Variants in PKHD1L1 observed in about 807,000 individuals in gnomAD.
PKHD1L1 encodes the protein fibrocystin-L.
Under a neutral mutation model 462.9 loss-of-function variants are expected in PKHD1L1, and 434 were observed. The ratio of observed to expected loss-of-function variants is 0.94; its 90% CI spans 0.87 to 1.02. The LOEUF (loss-of-function observed/expected upper bound fraction) is 1.02, where lower values mean the gene tolerates loss of function less well. Among genes scored for constraint, PKHD1L1 ranks in the 50% least tolerant of loss-of-function variants. The probability of loss-of-function intolerance (pLI) is 0.00; values close to 1 mark genes in which losing one functional copy is unlikely to be tolerated. For missense variants in PKHD1L1, 5,202 were observed against 5,096.1 expected (o/e 1.02, Z -0.63); for synonymous variants, 1,781 against 1,750.0 (o/e 1.02, Z -0.44).
In PKHD1L1 at chr8:109,531,813, C is replaced by G. The variant is rs889414093; in HGVS notation, c.*1723C>G. On this transcript the variant is annotated 3_prime_UTR_variant, in exon 78 of 78. Transcript: ENST00000378402. ...CAGGTAACAGAGCACTTTTATACTC[C>G]CCTCAGTTCCAACCCTGGTGGGGTG... is the stretch of plus-strand genomic sequence containing the variant. Among the ~76,000 whole-genome samples the G allele has an allele frequency of 1.3e-5, 2 of 152,044 alleles. No individual in the cohort carries two copies. Among genetic ancestry groups the G allele is most frequent in the Admixed American group, 6.5e-5 (1 of 15,270 alleles).
At chr8:109,397,441 T>C (rs968730880) in intron 11 of PKHD1L1, among the ~76,000 whole-genome samples, 1 of 151,976 alleles carries the variant, frequency 6.6e-6, no homozygotes, top group African/African-American at 2.4e-5. Context: ...TTTGGGAGGC[T>C]GAGGCAGGAA....
In PKHD1L1 at chr8:109,535,315, T is replaced by G. The variant is rs1434881868; in HGVS notation, c.*5225T>G. ...GTAACTTATGCATTTAGGCAGATGATCCTTTATATATGTAAACGCTATAAA... is the reference window on the plus strand; with the variant it reads ...GTAACTTATGCATTTAGGCAGATGAGCCTTTATATATGTAAACGCTATAAA... On this transcript the variant is annotated 3_prime_UTR_variant, in exon 78 of 78. Transcript: ENST00000378402. Among the ~76,000 whole-genome samples the G allele has an allele frequency of 1.3e-5, 2 of 152,214 alleles. No individual in the cohort carries two copies. The highest frequency in any genetic ancestry group is 4.8e-5 in the African/African-American group (2 of 41,458).
At chr8:109,475,066 T>A in intron 50 of PKHD1L1, 52 bp from the exon 51 acceptor site, 2 of 1,474,400 alleles carry the variant, frequency 1.4e-6, no homozygotes, top group Non-Finnish European at 1.8e-6. Context: ...AAAGGAGGAG[T>A]TTATTAGAGG....
At chr8:109,509,353 G>T (rs1819858442) in intron 70 of PKHD1L1, among the ~76,000 whole-genome samples, 1 of 151,852 alleles carries the variant, frequency 6.6e-6, no homozygotes, top group African/African-American at 2.4e-5. Flanking sequence ...TGGTGAAAAA[G>T]ATTTCATTGT....
chr8:109,438,679 C>T (rs72687010), intron 31 of PKHD1L1, among the ~76,000 whole-genome samples: 29,474 of 151,284 alleles, frequency 0.19, 2,926 homozygotes, highest in South Asian at 0.27. Flanking sequence ...TAAAAAAGGA[C>T]TTTGTCATCT....
chr8:109,523,390 G>A lies in PKHD1L1; in HGVS notation c.12484+4G>A. 6.2e-7 allele frequency: 1 copy of A among 1,606,626 alleles called. No homozygotes were observed. The highest frequency in any genetic ancestry group is 8.5e-7 in the Non-Finnish European group (1 of 1,175,672). On this transcript the variant is annotated splice_donor_region_variant and intron_variant, in intron 76 of 77. Coordinates refer to ENST00000378402, the MANE Select transcript of PKHD1L1 (RefSeq NM_177531.6). ...GACCTTACTCCCCTTAGAACAGGTG[G>A]GTGCACTATTTTGGATCCTCACATA... is the stretch of plus-strand genomic sequence containing the variant.
chr8:109,422,463 C>T (rs1234136683), intron 23 of PKHD1L1, among the ~76,000 whole-genome samples: 1 of 152,168 alleles, frequency 6.6e-6, no homozygotes, highest in Non-Finnish European at 1.5e-5. Context: ...AATCAGATGT[C>T]ATATAATCAC....
intron 38 of PKHD1L1, 88 bp downstream of exon 38, chr8:109,445,733 A>G: frequency 7.6e-7 from 1 of 1,317,606 alleles, no homozygotes; most frequent in Non-Finnish European, 1.0e-6. Context: ...GTAAATAACT[A>G]TTAAGGTGTG....
rs577806655 is a variant in PKHD1L1 at position 109,363,886 on chromosome 8, T to A, written c.74-661T>A. Among the ~76,000 whole-genome samples the A allele has an allele frequency of 2.0e-5, 3 of 152,324 alleles. No homozygotes were observed. In the East Asian group the frequency reaches 5.8e-4, roughly 29 times the overall value. On this transcript the variant is annotated intron_variant, in intron 1 of 77. Coordinates refer to ENST00000378402, the MANE Select transcript of PKHD1L1 (RefSeq NM_177531.6). ...GGCACCCGTGGCCTCTATGCTCTCC[T>A]CTGTCTCTTGGTACTGTCTAACCTA...
At chr8:109,397,499 G>C (rs1337084524) in intron 11 of PKHD1L1, among the ~76,000 whole-genome samples, 1 of 151,526 alleles carries the variant, frequency 6.6e-6, no homozygotes, top group Non-Finnish European at 1.5e-5. Context: ...AATGCAGAGA[G>C]ATCTGTCTCT....
intron 67 of PKHD1L1, among the ~76,000 whole-genome samples, chr8:109,503,132 C>T (rs6995356): frequency 0.39 from 59,323 of 151,818 alleles, 11,785 homozygotes; most frequent in South Asian, 0.57. Context: ...ATGGTGAAAC[C>T]CTATCTCTAC....
At chr8:109,442,346 TTAC>T (rs2130744256) in intron 35 of PKHD1L1, among the ~76,000 whole-genome samples, 151 bp downstream of exon 35, 1 of 152,282 alleles carries the variant, frequency 6.6e-6, no homozygotes, top group East Asian at 1.9e-4. Context: ...AGTAAAAATG[TTAC>T]TAATGAGTGT....
At position 109,400,304 on chromosome 8, in the gene PKHD1L1, A is replaced by T; in HGVS notation, c.1241A>T (p.Tyr414Phe). Residue 414 changes from tyrosine (Y) to phenylalanine (F), a missense_variant, in exon 13 of 78, where the codon TAT (tyrosine) becomes TTT (phenylalanine). Physicochemically the swap from Tyr to Phe is conservative, Grantham distance 22. This residue lies in a region of PKHD1L1 where 4,497 missense variants were observed against 4,336.8 expected (regional missense o/e 1.04). Transcript: ENST00000378402. ...TTCTACATCAAGGGTGATGACCGTT[A>T]TGCTATTTATTTTAGCCAGACTGGA... ...YRFYIKGDDR[Y>F]AIYFSQTGLP... The T allele has an allele frequency of 6.2e-7, 1 of 1,613,474 alleles. No individual in the cohort carries two copies. The highest frequency in any genetic ancestry group is 8.5e-7 in the Non-Finnish European group (1 of 1,179,528).
intron 25 of PKHD1L1, among the ~76,000 whole-genome samples, chr8:109,428,456 G>T (rs1563531092): frequency 6.6e-6 from 1 of 152,156 alleles, no homozygotes; most frequent in South Asian, 2.1e-4. Context: ...AGAGGAAGTG[G>T]AGAAGATAAG....
chr8:109,490,216 T>C (rs989435509), intron 60 of PKHD1L1, among the ~76,000 whole-genome samples, 161 bp downstream of exon 60: 14 of 151,868 alleles, frequency 9.2e-5, no homozygotes, highest in Non-Finnish European at 1.5e-5. Context: ...ATAAGCAGGA[T>C]TTTATTCCAC....
In PKHD1L1 at chr8:109,438,271, C is replaced by T. The variant is rs1185108712; in HGVS notation, c.3628-53C>T. On this transcript the variant is annotated intron_variant, in intron 30 of 77. Coordinates refer to ENST00000378402, the MANE Select transcript of PKHD1L1 (RefSeq NM_177531.6). Reference sequence around the variant, plus strand: ...ATAATCTATTTCTTTTCATCCCTTGCATTTCTGTATCTCAACAATTAATAT... The same window carrying T: ...ATAATCTATTTCTTTTCATCCCTTGTATTTCTGTATCTCAACAATTAATAT... The T allele has an allele frequency of 1.3e-5, 16 of 1,266,282 alleles. No homozygotes were observed. In the South Asian group the frequency reaches 2.3e-4, roughly 18 times the overall value. The allele number at this position is 1,266,282 out of a possible 1,614,324, so 78.4% of individuals were successfully genotyped here.
chr8:109,445,861 A>G (rs1816110024), intron 38 of PKHD1L1, among the ~76,000 whole-genome samples: 2 of 152,188 alleles, frequency 1.3e-5, no homozygotes, highest in African/African-American at 4.8e-5. Context: ...TTCAACTTCT[A>G]TTTAGGAACA....
intron 43 of PKHD1L1, among the ~76,000 whole-genome samples, chr8:109,453,127 A>G (rs1459643298): frequency 1.3e-5 from 2 of 152,196 alleles, no homozygotes. Context: ...ATGGGTAAGT[A>G]CCTTTTAAAG....
intron 34 of PKHD1L1, among the ~76,000 whole-genome samples, chr8:109,441,640 T>C (rs1815799824): frequency 6.6e-6 from 1 of 152,128 alleles, no homozygotes; most frequent in Admixed American, 6.6e-5. Context: ...ACTCCCAGAT[T>C]GTTGTAGTTT....
Sources: allele counts gnomAD v4.1 joint callset (sites outside exome capture counted in the v4.1 genomes callset), GRCh38; gene constraint gnomAD v4.1.1; regional missense constraint gnomAD v4.1.1; transcripts MANE v1.5; gene names NCBI Gene and HGNC (gene_info 2026-07-23, HGNC 2026-07-21).